The following ANKS6 variants were observed in gnomAD, a reference collection of about 807,000 sequenced individuals.
ANKS6 encodes ankyrin repeat and sterile alpha motif domain containing 6.
ANKS6 carries 47 observed loss-of-function variants against 77.9 expected under a neutral mutation model. That is an observed-to-expected ratio of 0.60 (90% CI 0.48 to 0.77). The LOEUF (loss-of-function observed/expected upper bound fraction) is 0.77. Among genes scored for constraint, ANKS6 ranks in the 30% least tolerant of loss-of-function variants. The probability of loss-of-function intolerance (pLI) is 0.00; values close to 1 mark genes in which losing one functional copy is unlikely to be tolerated. For synonymous variants in ANKS6, 488 were observed against 501.7 expected (o/e 0.97, Z 0.37); for missense variants, 1,150 against 1,159.1 (o/e 0.99, Z 0.11).
At chr9:98,741,710 C>G (rs946207444) in intron 14 of ANKS6, among the ~76,000 whole-genome samples, 1 of 152,196 alleles carries the variant, frequency 6.6e-6, no homozygotes, top group African/African-American at 2.4e-5. Context: ...CAGACTCGAG[C>G]ACACATTACA....
intron 13 of ANKS6, 137 bp from the exon 14 acceptor site, chr9:98,745,812 G>A (rs1832097430): frequency 1.5e-6 from 1 of 659,936 alleles, no homozygotes; most frequent in Non-Finnish European, 2.7e-6. Context: ...TCTAAGTCCT[G>A]ACTTTATGTT....
intron 14 of ANKS6, among the ~76,000 whole-genome samples, chr9:98,736,921 G>C (rs1256727333): frequency 6.6e-6 from 1 of 152,132 alleles, no homozygotes; most frequent in Admixed American, 6.5e-5. Flanking sequence ...CTCCCGAGTC[G>C]CACGGCCCGG....
chr9:98,779,540 AAGAG>A (rs1014850668), intron 6 of ANKS6, among the ~76,000 whole-genome samples: 4 of 152,140 alleles, frequency 2.6e-5, no homozygotes, highest in African/African-American at 4.8e-5. Flanking sequence ...TTAAAAAAAA[AAGAG>A]AGAGAGATCT....
intron 11 of ANKS6, among the ~76,000 whole-genome samples, chr9:98,767,759 C>G (rs1409989850): frequency 1.3e-5 from 2 of 152,216 alleles, no homozygotes; most frequent in Non-Finnish European, 2.9e-5. Flanking sequence ...TCAACTCATG[C>G]TCTTAAACCA....
chr9:98,780,005 A>G (rs997615126), intron 6 of ANKS6, among the ~76,000 whole-genome samples, 184 bp downstream of exon 6: 2 of 152,166 alleles, frequency 1.3e-5, no homozygotes, highest in Admixed American at 1.3e-4. Context: ...TTGCCACAAC[A>G]TGGTCACAGT....
intron 5 of ANKS6, among the ~76,000 whole-genome samples, chr9:98,781,684 G>A (rs1305677320): frequency 6.6e-6 from 1 of 152,182 alleles, no homozygotes; most frequent in Non-Finnish European, 1.5e-5. Context: ...GCAGTGCTGT[G>A]ACGAGGAAGG....
At chr9:98,778,499 G>C (rs1448742591) in intron 6 of ANKS6, 75 bp from the exon 7 acceptor site, 6 of 1,438,794 alleles carry the variant, frequency 4.2e-6, no homozygotes, top group Non-Finnish European at 5.7e-6. Context: ...TGCCAGCCCA[G>C]AGACAGTGAC....
At chr9:98,773,054 T>C (rs1833722945) in intron 9 of ANKS6, among the ~76,000 whole-genome samples, 1 of 152,226 alleles carries the variant, frequency 6.6e-6, no homozygotes, top group Non-Finnish European at 1.5e-5. Context: ...AACACAGCCA[T>C]AGAAGAAGTC....
intron 14 of ANKS6, among the ~76,000 whole-genome samples, chr9:98,745,322 A>G (rs1832062210): frequency 6.6e-6 from 1 of 152,200 alleles, no homozygotes; most frequent in African/African-American, 2.4e-5. Flanking sequence ...CTCTGCTTTC[A>G]CAGTGCTCCC....
At chr9:98,740,193 G>A (rs1019992460) in intron 14 of ANKS6, among the ~76,000 whole-genome samples, 3 of 152,024 alleles carry the variant, frequency 2.0e-5, no homozygotes, top group Non-Finnish European at 2.9e-5. Flanking sequence ...TAGCCCAGAG[G>A]GGCCCCTCTC....
At position 98,791,018 on chromosome 9, in the gene ANKS6, CAT is replaced by C. The variant is rs1231842008; in HGVS notation, c.360-414_360-413del. The stretch of plus-strand genomic sequence containing the variant: ...GCGATTGTTAGGTATTATAATTGTT[CAT>C]GTTACGTTATTCAACGTGCCAAGGG... On this transcript the variant is annotated intron_variant, in intron 1 of 14. Coordinates refer to ENST00000353234, the MANE Select transcript of ANKS6 (RefSeq NM_173551.5). The surrounding 1 kb of genome is among the most constrained non-coding windows in gnomAD (Gnocchi z 4.3). 6.6e-6 allele frequency among the ~76,000 whole-genome samples: 1 copy of C among 152,220 alleles called. No individual in the cohort carries two copies. Among genetic ancestry groups the C allele is most frequent in the Non-Finnish European group, 1.5e-5 (1 of 68,048 alleles).
chr9:98,733,351 G>A lies in ANKS6; in HGVS notation c.*3168C>T. On this transcript the variant is annotated 3_prime_UTR_variant, in exon 15 of 15. Coordinates refer to ENST00000353234, the MANE Select transcript of ANKS6 (RefSeq NM_173551.5). ...GACACACCAGCAAGACACTGCCTGG[G>A]TGCTGGGAAACAATGCCCTCCACCC... is the stretch of plus-strand genomic sequence containing the variant. 5.1e-6 allele frequency: 5 copies of A among 985,508 alleles called. No individual in the cohort carries two copies. The highest frequency in any genetic ancestry group is 6.0e-6 in the Non-Finnish European group (5 of 829,986). The allele number at this position is 985,508 out of a possible 1,614,324, so 61.0% of individuals were successfully genotyped here. A position where few individuals can be genotyped will look rare whatever the true frequency, so the allele number is the denominator to read the frequency against.
intron 13 of ANKS6, among the ~76,000 whole-genome samples, chr9:98,746,688 T>C (rs1341759723): frequency 2.6e-5 from 4 of 151,216 alleles, no homozygotes; most frequent in Admixed American, 2.6e-4. Flanking sequence ...TTCTCCACAA[T>C]GCCACATCAC....
In ANKS6 at chr9:98,745,597, G is replaced by A. The variant is rs1564177767; in HGVS notation, c.2473C>T (p.Gln825Ter). ...LGIKTDGSRQ[Q>*]ILAAISELNA... ...AGTTCAGAAATCGCTGCCAGAATCT[G>A]CTGCCTGGACCCATCTGTCTTAATT... The change falls in exon 14 of 15, where the codon CAG becomes TAG. Residue 825 changes from glutamine to a stop codon, truncating the protein, a stop_gained. Transcript: ENST00000353234. LOFTEE classifies it high-confidence loss of function. 2 of 1,614,176 alleles carry A rather than the reference G, an allele frequency of 1.2e-6. No individual in the cohort carries two copies. The highest frequency in any genetic ancestry group is 1.7e-6 in the Non-Finnish European group (2 of 1,180,014).
Position 98,781,062 on chromosome 9 carries a change from G to A in ANKS6, c.1220-725C>T, listed in dbSNP as rs191311143. On this transcript the variant is annotated intron_variant, in intron 5 of 14. Transcript: ENST00000353234. ...GCTACAGTGCCCGCCATCATGCCTG[G>A]CTAATTTTTGTATTTTTAGTAGAGA... is the stretch of plus-strand genomic sequence containing the variant. Among the ~76,000 whole-genome samples the A allele has an allele frequency of 1.4e-3, 218 of 152,150 alleles. 1 individual carries two copies. Among genetic ancestry groups the A allele is most frequent in the Non-Finnish European group, 2.3e-3 (153 of 67,998 alleles).
chr9:98,787,196 T>C (rs949850539), intron 2 of ANKS6, among the ~76,000 whole-genome samples: 1 of 152,078 alleles, frequency 6.6e-6, no homozygotes, highest in African/African-American at 2.4e-5. Flanking sequence ...TCATTATCAA[T>C]AGCACAGCCT....
chr9:98,745,433 T>C (rs757033763), intron 14 of ANKS6, 126 bp downstream of exon 14: 27 of 873,768 alleles, frequency 3.1e-5, no homozygotes, highest in Non-Finnish European at 1.3e-5. Flanking sequence ...GAAAAGGCCA[T>C]GCTGGGAGGT....
At chr9:98,780,428 T>C (rs1223263992) in intron 5 of ANKS6, 91 bp from the exon 6 acceptor site, 1 of 1,396,042 alleles carries the variant, frequency 7.2e-7, no homozygotes, top group East Asian at 2.5e-5. Flanking sequence ...GACTTAGAAC[T>C]CAGCCCTGCA....
At chr9:98,750,330 T>C (rs189791711) in intron 13 of ANKS6, among the ~76,000 whole-genome samples, 21 of 152,366 alleles carry the variant, frequency 1.4e-4, no homozygotes, top group Admixed American at 2.6e-4. Flanking sequence ...TTCAGGTTCA[T>C]CCACGTTGCA....
Sources: allele counts gnomAD v4.1 joint callset (sites outside exome capture counted in the v4.1 genomes callset), GRCh38; gene constraint gnomAD v4.1.1; non-coding constraint Gnocchi (gnomAD v3.1); transcripts MANE v1.5; gene names NCBI Gene and HGNC (gene_info 2026-07-23, HGNC 2026-07-21).